MDFIC2: variants seen among roughly 807,000 people sequenced by gnomAD.
The protein encoded by MDFIC2 is MyoD family inhibitor domain containing 2.
rs189316963 is a variant in MDFIC2, at chr3:70,308,245, T to A, written c.88+3641A>T. 2.4e-3 allele frequency among the ~76,000 whole-genome samples: 359 copies of A among 152,138 alleles called. 3 individuals carry two copies. The highest frequency in any genetic ancestry group is 7.9e-3 in the African/African-American group (328 of 41,524). ...TTATTTTTTTGTTTTTATTTTATTT[T>A]TTTTTTGTAGAGATGGTATCTCACC... is the stretch of plus-strand genomic sequence containing the variant. On this transcript the variant is annotated intron_variant, in intron 2 of 3. Coordinates refer to ENST00000567252, the MANE Select transcript of MDFIC2 (RefSeq NM_001364677.1).
At chr3:70,229,075 G>A (rs1309326113) in intron 2 of MDFIC2, among the ~76,000 whole-genome samples, 2 of 152,182 alleles carry the variant, frequency 1.3e-5, no homozygotes, top group Non-Finnish European at 2.9e-5. Flanking sequence ...CAGAGAAGAT[G>A]AACCAATAAC....
chr3:70,197,233 T>C (rs1190992788), intron 3 of MDFIC2, 48 bp from the exon 4 acceptor site: 3 of 398,144 alleles, frequency 7.5e-6, no homozygotes, highest in Non-Finnish European at 1.3e-5. Context: ...TGGGGGCGTC[T>C]ATGAAGGACA....
intron 2 of MDFIC2, among the ~76,000 whole-genome samples, chr3:70,277,204 C>T (rs191455640): frequency 1.2e-4 from 18 of 152,200 alleles, no homozygotes; most frequent in Non-Finnish European, 1.8e-4. Flanking sequence ...GAACATAGCC[C>T]GTATCTCCAG....
intron 2 of MDFIC2, among the ~76,000 whole-genome samples, chr3:70,238,501 TA>T (rs1427164093): frequency 1.3e-5 from 2 of 152,020 alleles, no homozygotes; most frequent in Non-Finnish European, 2.9e-5. Flanking sequence ...TGGTCTCAGC[TA>T]CTTGGAAAGC....
intron 2 of MDFIC2, among the ~76,000 whole-genome samples, chr3:70,216,794 AG>A (rs1242272910): frequency 1.3e-5 from 2 of 152,090 alleles, no homozygotes; most frequent in Non-Finnish European, 2.9e-5. Context: ...TTGCCCCCCA[AG>A]GGAATGGATA....
In MDFIC2 at chr3:70,261,024, A is replaced by G. The variant is rs116115309; in HGVS notation, c.88+50862T>C. 6.0e-3 allele frequency among the ~76,000 whole-genome samples: 921 copies of G among 152,286 alleles called. 8 individuals carry two copies. Among genetic ancestry groups the G allele is most frequent in the African/African-American group, 0.021 (885 of 41,544 alleles). On this transcript the variant is annotated intron_variant, in intron 2 of 3. Coordinates refer to ENST00000567252, the MANE Select transcript of MDFIC2 (RefSeq NM_001364677.1). Reference sequence around the variant, plus strand: ...CTTGAAAAATTCCGCTTGACATGAAACAGACCTTGCACAAATTATTCAAAC... The same window carrying G: ...CTTGAAAAATTCCGCTTGACATGAAGCAGACCTTGCACAAATTATTCAAAC...
At chr3:70,308,946 G>A (rs1030853185) in intron 2 of MDFIC2, among the ~76,000 whole-genome samples, 4 of 152,142 alleles carry the variant, frequency 2.6e-5, no homozygotes, top group African/African-American at 9.7e-5. Flanking sequence ...TTTTAACAGT[G>A]AGCAGTGTTC....
At chr3:70,198,344 T>C (rs1456462384) in intron 3 of MDFIC2, among the ~76,000 whole-genome samples, 1 of 152,132 alleles carries the variant, frequency 6.6e-6, no homozygotes, top group Non-Finnish European at 1.5e-5. Flanking sequence ...TATAAGCATA[T>C]AGAAGAGATT....
In MDFIC2 at chr3:70,195,894, C is replaced by T. The variant is rs1239255695; in HGVS notation, c.*1032G>A. Reference sequence around the variant, plus strand: ...AATCACTTTCCAGTCTATATCACATCTTTTTCTTAAAAAAATAAGTAAAAT... The same window carrying T: ...AATCACTTTCCAGTCTATATCACATTTTTTTCTTAAAAAAATAAGTAAAAT... On this transcript the variant is annotated 3_prime_UTR_variant, in exon 4 of 4. Transcript: ENST00000567252. Among the ~76,000 whole-genome samples, 1 of 152,122 alleles carries T rather than the reference C, an allele frequency of 6.6e-6. No individual in the cohort carries two copies. The highest frequency in any genetic ancestry group is 1.5e-5 in the Non-Finnish European group (1 of 68,002).
intron 3 of MDFIC2, 140 bp from the exon 4 acceptor site, chr3:70,197,325 T>A (rs1270232280): frequency 2.5e-6 from 1 of 396,736 alleles, no homozygotes; most frequent in South Asian, 1.4e-4. Context: ...ACACCCTTCT[T>A]CTCTCAAGCT....
intron 2 of MDFIC2, among the ~76,000 whole-genome samples, chr3:70,211,000 A>G (rs1304723471): frequency 1.3e-5 from 2 of 152,280 alleles, no homozygotes; most frequent in African/African-American, 4.8e-5. Context: ...ACTCTAAGTT[A>G]TTAAGAAAAC....
At chr3:70,281,434 T>C (rs1702082267) in intron 2 of MDFIC2, among the ~76,000 whole-genome samples, 2 of 152,186 alleles carry the variant, frequency 1.3e-5, no homozygotes, top group African/African-American at 4.8e-5. Flanking sequence ...CTTTACCATT[T>C]TCTAGGCAAG....
In MDFIC2 at chr3:70,305,564, A is replaced by G. The variant is rs143410000; in HGVS notation, c.88+6322T>C. On this transcript the variant is annotated intron_variant, in intron 2 of 3. Transcript: ENST00000567252. Reference sequence around the variant, plus strand: ...AGCACTTAAGTACATGAGTTCCTTGAGGGCAGGACATTTTCATTTTTTGGC... The same window carrying G: ...AGCACTTAAGTACATGAGTTCCTTGGGGGCAGGACATTTTCATTTTTTGGC... Among the ~76,000 whole-genome samples the G allele has an allele frequency of 5.3e-5, 8 of 152,312 alleles. No individual in the cohort carries two copies. The East Asian group carries it at 1.5e-3, about 29-fold the overall frequency.
intron 2 of MDFIC2, among the ~76,000 whole-genome samples, chr3:70,281,172 T>A (rs559402970): frequency 6.6e-6 from 1 of 152,250 alleles, no homozygotes; most frequent in Admixed American, 6.5e-5. Flanking sequence ...GCCCCTACAA[T>A]TTTAGTGTAG....
intron 2 of MDFIC2, among the ~76,000 whole-genome samples, chr3:70,259,768 A>G (rs1195013458): frequency 6.6e-6 from 1 of 152,218 alleles, no homozygotes; most frequent in African/African-American, 2.4e-5. Flanking sequence ...TCATACCGGT[A>G]TAAAAACTGA....
rs563738247 is a variant in MDFIC2 at position 70,261,831 on chromosome 3, T to C, written c.88+50055A>G. Among the ~76,000 whole-genome samples the C allele has an allele frequency of 2.6e-5, 4 of 152,280 alleles. No homozygotes were observed. The South Asian group carries it at 8.3e-4, about 32-fold the overall frequency. ...GGAACCAAGAAGACTAGGATGTGAC[T>C]GGAACCTGAATGCCCGAACCCTTTT... On this transcript the variant is annotated intron_variant, in intron 2 of 3. Coordinates refer to ENST00000567252, the MANE Select transcript of MDFIC2 (RefSeq NM_001364677.1).
chr3:70,202,024 C>G (rs1268158661), intron 3 of MDFIC2, among the ~76,000 whole-genome samples: 1 of 152,148 alleles, frequency 6.6e-6, no homozygotes, highest in Non-Finnish European at 1.5e-5. Context: ...CTCTGTGGCT[C>G]TGGCTAACCA....
At chr3:70,244,434 T>C (rs1404578304) in intron 2 of MDFIC2, among the ~76,000 whole-genome samples, 4 of 152,190 alleles carry the variant, frequency 2.6e-5, no homozygotes, top group Non-Finnish European at 5.9e-5. Context: ...TCAATTAAAA[T>C]AACATGTAAA....
intron 2 of MDFIC2, among the ~76,000 whole-genome samples, chr3:70,296,769 T>C (rs1702293080): frequency 6.6e-6 from 1 of 152,156 alleles, no homozygotes; most frequent in Admixed American, 6.6e-5. Context: ...TAAGCCCGAC[T>C]ATCAGCTTTC....
Sources: allele counts gnomAD v4.1 joint callset (sites outside exome capture counted in the v4.1 genomes callset), GRCh38; gene constraint gnomAD v4.1.1; transcripts MANE v1.5; gene names NCBI Gene and HGNC (gene_info 2026-07-23, HGNC 2026-07-21).